The following RUVBL2 variants were observed in gnomAD, a reference collection of about 807,000 sequenced individuals.
The protein encoded by RUVBL2 is RuvB like AAA ATPase 2, also known as ruvB-like 2.
Under a neutral mutation model 57.9 loss-of-function variants are expected in RUVBL2, and 9 were observed. The ratio of observed to expected loss-of-function variants is 0.16; its 90% confidence interval spans 0.09 to 0.27. The LOEUF is 0.27. Ranked by LOEUF, RUVBL2 falls within the 10% of genes least tolerant of loss-of-function variation. The pLI is 1.00. For missense variants in RUVBL2, 456 were observed against 669.6 expected, an observed-to-expected ratio of 0.68 and a Z score of 3.52; for synonymous variants, 278 against 264.6, an observed-to-expected ratio of 1.05 and a Z score of -0.49.
chr19:48,994,630 G>A (rs2039017359), intron 1 of RUVBL2: 1 of 152,280 alleles, frequency 6.6e-6, no homozygotes, highest in Non-Finnish European at 1.5e-5. Flanking sequence ...TCAATTACCT[G>A]AATAAAGAAG....
intron 4 of RUVBL2, among the ~76,000 whole-genome samples, chr19:49,005,877 C>T (rs1407821764): frequency 2.0e-5 from 3 of 152,224 alleles, no homozygotes; most frequent in African/African-American, 7.2e-5. Flanking sequence ...CTCAGGTGAT[C>T]CACCCCCCTG....
chr19:49,002,517 T>A (rs2039204746), intron 2 of RUVBL2, among the ~76,000 whole-genome samples: 2 of 152,078 alleles, frequency 1.3e-5, no homozygotes, highest in African/African-American at 4.8e-5. Context: ...TATCAATAGG[T>A]TCTGGGACTG....
intron 6 of RUVBL2, among the ~76,000 whole-genome samples, chr19:49,009,222 C>CTCACTCCTGTA: frequency 7.3e-6 from 1 of 137,086 alleles, no homozygotes; most frequent in Non-Finnish European, 1.5e-5. Flanking sequence ...GGCGCAGTAG[C>CTCACTCCTGTA]TCACTCCTGT....
chr19:49,012,883 A>ACACC (rs1421444990), intron 11 of RUVBL2, among the ~76,000 whole-genome samples: 3 of 147,270 alleles, frequency 2.0e-5, no homozygotes, highest in Non-Finnish European at 4.5e-5. Flanking sequence ...ACACACACAC[A>ACACC]CCACCCCTGG....
Position 49,007,945 on chromosome 19 carries a change from G to T in RUVBL2, c.462+577G>T, listed in dbSNP as rs553179903. 1.2e-3 allele frequency among the ~76,000 whole-genome samples: 180 copies of T among 149,968 alleles called. 2 individuals carry two copies. The highest frequency in any genetic ancestry group is 4.3e-3 in the African/African-American group (174 of 40,860). The stretch of plus-strand genomic sequence containing the variant: ...GCTGGTCTTGAACTCCTGACCTCGT[G>T]ATCTGCCCACCTTGGCCTCCCAAAG... On this transcript the variant is annotated intron_variant, in intron 6 of 14. Transcript: ENST00000595090.
intron 1 of RUVBL2, among the ~76,000 whole-genome samples, chr19:48,998,435 C>T (rs766867261): frequency 6.6e-6 from 1 of 152,062 alleles, no homozygotes; most frequent in Non-Finnish European, 1.5e-5. Context: ...TGGTTCACAC[C>T]TGTAATCCCA....
chr19:49,006,506 T>C (rs2039283742), intron 4 of RUVBL2, among the ~76,000 whole-genome samples: 1 of 152,210 alleles, frequency 6.6e-6, no homozygotes, highest in East Asian at 1.9e-4. Context: ...ACGTGTTCTG[T>C]TATCATCCCC....
At chr19:49,008,325 C>G (rs1600185984) in intron 6 of RUVBL2, among the ~76,000 whole-genome samples, 1 of 149,668 alleles carries the variant, frequency 6.7e-6, no homozygotes, top group Non-Finnish European at 1.5e-5. Context: ...ACGGCAAGCT[C>G]TGCCTCCCGG....
At chr19:48,999,403 A>G (rs1260712548) in intron 2 of RUVBL2, 30 bp downstream of exon 2, 1 of 1,612,496 alleles carries the variant, frequency 6.2e-7, no homozygotes, top group South Asian at 1.1e-5. Context: ...AATAGGACCT[A>G]AGCCCTGCCT....
intron 2 of RUVBL2, among the ~76,000 whole-genome samples, chr19:49,000,283 A>G (rs1287347313): frequency 6.6e-6 from 1 of 152,268 alleles, no homozygotes; most frequent in African/African-American, 2.4e-5. Flanking sequence ...CACTGGGTGC[A>G]GTGGCTCATG....
intron 2 of RUVBL2, among the ~76,000 whole-genome samples, chr19:49,002,203 C>A (rs1195406616): frequency 6.6e-6 from 1 of 152,054 alleles, no homozygotes; most frequent in East Asian, 1.9e-4. Flanking sequence ...TGCATGCCAC[C>A]ACGCCAGGCT....
At chr19:48,999,057 A>G (rs1175672655) in intron 1 of RUVBL2, among the ~76,000 whole-genome samples, 2 of 151,988 alleles carry the variant, frequency 1.3e-5, no homozygotes, top group Non-Finnish European at 2.9e-5. Flanking sequence ...GGAGGATTTC[A>G]TTCATTCACC....
chr19:49,010,986 G>T lies in RUVBL2; in HGVS notation c.788-13G>T. On this transcript the variant is annotated splice_polypyrimidine_tract_variant and intron_variant, in intron 9 of 14. Transcript: ENST00000595090. ...CTCTCTGGCTTCCCTGATGCAACCT[G>T]TGCCTCCCATAGGTGACACAGGGGA... is the stretch of plus-strand genomic sequence containing the variant. 1 of 1,607,514 alleles carries T rather than the reference G, an allele frequency of 6.2e-7. No individual in the cohort carries two copies.
intron 1 of RUVBL2, chr19:48,994,208 C>G (rs758622931): frequency 3.8e-6 from 2 of 526,576 alleles, no homozygotes; most frequent in South Asian, 4.6e-5. Flanking sequence ...CTTGGCGCAA[C>G]GGCCGGTTCC....
chr19:49,004,115 C>CAAG, intron 3 of RUVBL2, 162 bp from the exon 4 acceptor site: 1 of 290,920 alleles, frequency 3.4e-6, no homozygotes, highest in East Asian at 9.0e-5. Flanking sequence ...GATCTTGTCT[C>CAAG]AAAAAAAAAA....
At chr19:49,003,175 C>T (rs1280886480) in intron 2 of RUVBL2, 104 bp from the exon 3 acceptor site, 3 of 864,816 alleles carry the variant, frequency 3.5e-6, no homozygotes. Flanking sequence ...TCCCTACTCC[C>T]ACCCACCCCT....
intron 4 of RUVBL2, among the ~76,000 whole-genome samples, chr19:49,004,681 C>CG (rs1568636033): frequency 2.0e-5 from 3 of 152,124 alleles, no homozygotes; most frequent in African/African-American, 7.2e-5. Context: ...TCCAAGAGGG[C>CG]TGCCAGAGCT....
chr19:49,010,761 T>A, intron 9 of RUVBL2, 150 bp downstream of exon 9: 1 of 1,164,298 alleles, frequency 8.6e-7, no homozygotes, highest in South Asian at 1.5e-5. Flanking sequence ...GTTCTCCACC[T>A]GCAAGTCCGC....
intron 2 of RUVBL2, among the ~76,000 whole-genome samples, chr19:49,000,266 G>C (rs2039151926): frequency 6.6e-6 from 1 of 152,234 alleles, no homozygotes; most frequent in Non-Finnish European, 1.5e-5. Context: ...TATTAAAAGT[G>C]CTGGGGCACT....
Sources: allele counts gnomAD v4.1 joint callset (sites outside exome capture counted in the v4.1 genomes callset), GRCh38; gene constraint gnomAD v4.1.1; transcripts MANE v1.5; gene names NCBI Gene and HGNC (gene_info 2026-07-23, HGNC 2026-07-21).